LYNX1: variants seen among roughly 807,000 people sequenced by gnomAD.
LYNX1 encodes the protein ly-6/neurotoxin-like protein 1.
A neutral mutation model predicts 8.3 loss-of-function variants in LYNX1; 8 were observed. That is an observed-to-expected ratio of 0.97 (90% CI 0.57 to 1.74). The LOEUF (loss-of-function observed/expected upper bound fraction) is 1.74. LYNX1 is among the 40% of genes most tolerant of loss of function. The pLI is 0.00. For synonymous variants in LYNX1, 73 were observed against 67.9 expected (o/e 1.08, Z -0.37); for missense variants, 158 against 159.7 (o/e 0.99, Z 0.06).
rs1478109463 is a variant in LYNX1 at position 142,772,942 on chromosome 8, C to T, written c.*2225G>A. 2 of 985,752 alleles carry T rather than the reference C, an allele frequency of 2.0e-6. No individual in the cohort carries two copies. The highest frequency in any genetic ancestry group is 2.4e-6 in the Non-Finnish European group (2 of 830,260). The allele number at this position is 985,752 out of a possible 1,614,324, so 61.1% of individuals were successfully genotyped here. On this transcript the variant is annotated 3_prime_UTR_variant, in exon 4 of 4. Transcript: ENST00000652477. ...AGAAGCTGCCCACCCCACCCCTCAA[C>T]ACCACAGCACTTCCAGCTCCAGCAG...
Position 142,776,033 on chromosome 8 carries a change from C to T in LYNX1, c.-76G>A, listed in dbSNP as rs1815411408. The T allele has an allele frequency of 6.5e-7, 1 of 1,549,364 alleles. No individual in the cohort carries two copies. The highest frequency in any genetic ancestry group is 1.4e-5 in the African/African-American group (1 of 73,558). On this transcript the variant is annotated 5_prime_UTR_variant, in exon 2 of 4. Coordinates refer to ENST00000652477, the MANE Select transcript of LYNX1 (RefSeq NM_177477.4). ...CCCTGGATCCAACTCAGGGGTGGCG[C>T]ACAGAGGATCCAACTCAGGGTGGTG...
chr8:142,777,493 T>C (rs1472446696), upstream of LYNX1, among the ~76,000 whole-genome samples: 19 of 105,052 alleles, frequency 1.8e-4, no homozygotes, highest in African/African-American at 8.0e-4. Context: ...ACCCGCCTCC[T>C]GGGCACCCGC....
intron 3 of LYNX1, 30 bp downstream of exon 3, chr8:142,775,563 G>A (rs1815379141): frequency 1.3e-6 from 2 of 1,566,752 alleles, no homozygotes; most frequent in Non-Finnish European, 1.7e-6. Context: ...GTGCTCCCCA[G>A]GCAGGGCCAC....
At chr8:142,775,720 G>A (rs1420508132) in intron 2 of LYNX1, 26 bp from the exon 3 acceptor site, 1 of 1,567,724 alleles carries the variant, frequency 6.4e-7, no homozygotes, top group Non-Finnish European at 8.7e-7. Flanking sequence ...GGGCGGGAAG[G>A]GAACGGGGGT....
At position 142,775,116 on chromosome 8, in the gene LYNX1, T is replaced by C. The variant is rs927885288; in HGVS notation, c.*51A>G. 1 of 1,577,558 alleles carries C rather than the reference T, an allele frequency of 6.3e-7. No homozygotes were observed. Among genetic ancestry groups the C allele is most frequent in the African/African-American group, 1.3e-5 (1 of 74,354 alleles). On this transcript the variant is annotated 3_prime_UTR_variant, in exon 4 of 4. Transcript: ENST00000652477. ...GCAGGGTGAGCTGGGTGCGAGGGTG[T>C]AGCAGTGTGTCTCGAGAGCTTTGTT...
intron 3 of LYNX1, 25 bp downstream of exon 3, chr8:142,775,568 G>A (rs747646052): frequency 1.9e-6 from 3 of 1,569,740 alleles, no homozygotes; most frequent in Non-Finnish European, 2.6e-6. Context: ...CCCCAGGCAG[G>A]GCCACGCAGG....
At position 142,772,016 on chromosome 8, in the gene LYNX1, T is replaced by C. The variant is rs191129535; in HGVS notation, c.*3151A>G. ...TCCCAGAATGTATAACATCCCAGGG[T>C]GCCAGAGCCCACCCAAGCAGCCACT... On this transcript the variant is annotated 3_prime_UTR_variant, in exon 4 of 4. Transcript: ENST00000652477. 2.1e-5 allele frequency: 21 copies of C among 985,984 alleles called. No homozygotes were observed. In the East Asian group the frequency reaches 2.4e-3, roughly 112 times the overall value. 61.1% of individuals were successfully genotyped at this position (985,984 alleles called of 1,614,324 possible).
Position 142,773,779 on chromosome 8 carries a change from A to G in LYNX1, c.*1388T>C. 1 of 985,272 alleles carries G rather than the reference A, an allele frequency of 1.0e-6. No individual in the cohort carries two copies. Among genetic ancestry groups the G allele is most frequent in the Admixed American group, 6.1e-5 (1 of 16,292 alleles). The allele number at this position is 985,272 out of a possible 1,614,324, so 61.0% of individuals were successfully genotyped here. On this transcript the variant is annotated 3_prime_UTR_variant, in exon 4 of 4. Coordinates refer to ENST00000652477, the MANE Select transcript of LYNX1 (RefSeq NM_177477.4). ...ACTTTGGGGCCGGGACAATCCTACCACATGGATATGTCACCATCCTGCCCA... is the reference window on the plus strand; with the variant it reads ...ACTTTGGGGCCGGGACAATCCTACCGCATGGATATGTCACCATCCTGCCCA...
chr8:142,773,484 A>C lies in LYNX1; in HGVS notation c.*1683T>G. 1 of 985,274 alleles carries C rather than the reference A, an allele frequency of 1.0e-6. No homozygotes were observed. Among genetic ancestry groups the C allele is most frequent in the Non-Finnish European group, 1.2e-6 (1 of 829,934 alleles). 61.0% of individuals were successfully genotyped at this position (985,274 alleles called of 1,614,324 possible). A position where few individuals can be genotyped will look rare whatever the true frequency, so the allele number is the denominator to read the frequency against. ...TCCCGCTCCGGGCCCGTTCCCACCC[A>C]AGGTCCCTTTGCAGAAGACTGGCAC... On this transcript the variant is annotated 3_prime_UTR_variant, in exon 4 of 4. Transcript: ENST00000652477.
rs1017316271 is a variant in LYNX1 at position 142,771,795 on chromosome 8, G to T, written c.*3372C>A. 1 of 985,724 alleles carries T rather than the reference G, an allele frequency of 1.0e-6. No homozygotes were observed. The highest frequency in any genetic ancestry group is 1.7e-5 in the African/African-American group (1 of 57,214). The allele number at this position is 985,724 out of a possible 1,614,324, so 61.1% of individuals were successfully genotyped here. A position where few individuals can be genotyped will look rare whatever the true frequency, so the allele number is the denominator to read the frequency against. ...TACATAGTGGGGGAGGCGGCAGCTG[G>T]CCTGGCTCCCCCACTTCCCCAGGAC... On this transcript the variant is annotated 3_prime_UTR_variant, in exon 4 of 4. Transcript: ENST00000652477.
chr8:142,774,159 A>G lies in LYNX1; in HGVS notation c.*1008T>C. 6.6e-6 allele frequency: 1 copy of G among 151,924 alleles called. No individual in the cohort carries two copies. The highest frequency in any genetic ancestry group is 8.4e-6 in the Non-Finnish European group (1 of 118,986). The allele number at this position is 151,924 out of a possible 1,614,324, so 9.4% of individuals were successfully genotyped here. Reference sequence around the variant, plus strand: ...GCTGGGTCTCCGCCCTCCCCACCCCACCCTCCCCACTCCCGCCCCCGCACG... The same window carrying G: ...GCTGGGTCTCCGCCCTCCCCACCCCGCCCTCCCCACTCCCGCCCCCGCACG... On this transcript the variant is annotated 3_prime_UTR_variant, in exon 4 of 4. Coordinates refer to ENST00000652477, the MANE Select transcript of LYNX1 (RefSeq NM_177477.4).
In LYNX1 at chr8:142,774,661, T is replaced by G. The variant is rs1815327343; in HGVS notation, c.*506A>C. 1.0e-6 allele frequency: 1 copy of G among 989,198 alleles called. No homozygotes were observed. The highest frequency in any genetic ancestry group is 1.7e-5 in the African/African-American group (1 of 57,312). 61.3% of individuals were successfully genotyped at this position (989,198 alleles called of 1,614,324 possible). ...GCCAAAGGCCCTCCTCCCACAGCCC[T>G]GATCCCGTACCGGTCCTGGCAGCTC... On this transcript the variant is annotated 3_prime_UTR_variant, in exon 4 of 4. Coordinates refer to ENST00000652477, the MANE Select transcript of LYNX1 (RefSeq NM_177477.4).
rs1815296421 is a variant in LYNX1, at chr8:142,774,143, C to T, written c.*1024G>A. On this transcript the variant is annotated 3_prime_UTR_variant, in exon 4 of 4. Transcript: ENST00000652477. ...CCGCTGCGGGGGAGGGGCTGGGTCT[C>T]CGCCCTCCCCACCCCACCCTCCCCA... 1 of 984,208 alleles carries T rather than the reference C, an allele frequency of 1.0e-6. No homozygotes were observed. The highest frequency in any genetic ancestry group is 1.8e-5 in the African/African-American group (1 of 56,928). 61.0% of individuals were successfully genotyped at this position (984,208 alleles called of 1,614,324 possible). A position where few individuals can be genotyped will look rare whatever the true frequency, so the allele number is the denominator to read the frequency against.
rs1466572832 is a variant in LYNX1 at position 142,772,146 on chromosome 8, C to A, written c.*3021G>T. 2 of 986,086 alleles carry A rather than the reference C, an allele frequency of 2.0e-6. No individual in the cohort carries two copies. The highest frequency in any genetic ancestry group is 2.4e-6 in the Non-Finnish European group (2 of 830,202). 61.1% of individuals were successfully genotyped at this position (986,086 alleles called of 1,614,324 possible). On this transcript the variant is annotated 3_prime_UTR_variant, in exon 4 of 4. Coordinates refer to ENST00000652477, the MANE Select transcript of LYNX1 (RefSeq NM_177477.4). ...TGTATAACATCCTAGGGTGACAGAG[C>A]CCGCCCAAGCAGCCACTCCTGAGTC...
In LYNX1 at chr8:142,774,540, C is replaced by T. The variant is rs2130109698; in HGVS notation, c.*627G>A. The stretch of plus-strand genomic sequence containing the variant: ...GGACCCGAAAAAGCTTCTGTGACTT[C>T]GGGGGCCCTGGGGCCTGCTGAGGCA... On this transcript the variant is annotated 3_prime_UTR_variant, in exon 4 of 4. Transcript: ENST00000652477. 5 of 985,742 alleles carry T rather than the reference C, an allele frequency of 5.1e-6. No individual in the cohort carries two copies. The highest frequency in any genetic ancestry group is 4.7e-5 in the South Asian group (1 of 21,296). 61.1% of individuals were successfully genotyped at this position (985,742 alleles called of 1,614,324 possible).
Position 142,775,608 on chromosome 8 carries a change from T to C in LYNX1, c.139A>G (p.Met47Val), listed in dbSNP as rs774142563. The C allele has an allele frequency of 2.3e-5, 36 of 1,596,506 alleles. 1 individual carries two copies. The South Asian group carries it at 4.1e-4, about 18-fold the overall frequency. ...CCAGACTCACAGGTGCGCGTGGTCA[T>C]GCAGTAGGCAACCATAGCCGGGCAG... The part of the protein sequence containing the change: ...MRCPAMVAYC[M>V]TTRTYYTPTR... Residue 47 changes from methionine (M) to valine (V), a missense_variant, in exon 3 of 4, where the codon ATG (methionine) becomes GTG (valine). Coordinates refer to ENST00000652477, the MANE Select transcript of LYNX1 (RefSeq NM_177477.4).
intron 1 of LYNX1, 75 bp downstream of exon 1, chr8:142,777,031 C>A (rs1815452229): frequency 6.6e-6 from 1 of 152,282 alleles, no homozygotes; most frequent in South Asian, 2.1e-4. Context: ...TCACGGAGAG[C>A]CCCGCCCCAA....
Position 142,772,593 on chromosome 8 carries a change from G to C in LYNX1, c.*2574C>G. 1.0e-6 allele frequency: 1 copy of C among 985,576 alleles called. No individual in the cohort carries two copies. The highest frequency in any genetic ancestry group is 1.2e-6 in the Non-Finnish European group (1 of 830,014). The allele number at this position is 985,576 out of a possible 1,614,324, so 61.1% of individuals were successfully genotyped here. A position where few individuals can be genotyped will look rare whatever the true frequency, so the allele number is the denominator to read the frequency against. On this transcript the variant is annotated 3_prime_UTR_variant, in exon 4 of 4. Coordinates refer to ENST00000652477, the MANE Select transcript of LYNX1 (RefSeq NM_177477.4). ...CCTCTGTGTCCTCCTCTGTCAAAGG[G>C]GCAAGATAATGGCTCCCATTGCCGG...
chr8:142,772,256 G>C lies in LYNX1; in HGVS notation c.*2911C>G, dbSNP rs1815214591. Reference sequence around the variant, plus strand: ...TCTACCCCCATGAAGGGGACCCTCGGTTCTGCGAGAGAGATCCCCGAAGTG... The same window carrying C: ...TCTACCCCCATGAAGGGGACCCTCGCTTCTGCGAGAGAGATCCCCGAAGTG... On this transcript the variant is annotated 3_prime_UTR_variant, in exon 4 of 4. Transcript: ENST00000652477. The C allele has an allele frequency of 1.0e-6, 1 of 985,846 alleles. No homozygotes were observed. Among genetic ancestry groups the C allele is most frequent in the Non-Finnish European group, 1.2e-6 (1 of 830,032 alleles). The allele number at this position is 985,846 out of a possible 1,614,324, so 61.1% of individuals were successfully genotyped here.
Sources: gnomAD v4.1 joint callset for allele counts (sites outside exome capture counted in the v4.1 genomes callset) on GRCh38, gnomAD v4.1.1 for gene constraint, MANE v1.5 for transcripts, NCBI Gene and HGNC (gene_info 2026-07-23, HGNC 2026-07-21) for gene names.